Variants in HTR1F observed in about 807,000 individuals in gnomAD.
The protein encoded by HTR1F is 5-hydroxytryptamine receptor 1F, also known as 5-hydroxytryptamine (serotonin) receptor 1F, G protein-coupled.
HTR1F carries 17 observed loss-of-function variants against 24.0 expected under a neutral mutation model. That is an observed-to-expected ratio of 0.71 (90% CI 0.48 to 1.06). The LOEUF is 1.06. Ranked by LOEUF, HTR1F falls within the 50% of genes least tolerant of loss-of-function variation. The pLI is 0.00. For missense variants in HTR1F, 391 were observed against 427.8 expected (o/e 0.91, Z 0.76); for synonymous variants, 186 against 156.8 (o/e 1.19, Z -1.39).
In HTR1F at chr3:87,827,127, T is replaced by C. The variant is rs368053992; in HGVS notation, c.-43+5003T>C. 2.4e-3 allele frequency among the ~76,000 whole-genome samples: 362 copies of C among 151,702 alleles called. 2 individuals are homozygous for C. Among genetic ancestry groups the C allele is most frequent in the African/African-American group, 8.2e-3 (341 of 41,420 alleles). ...CTATCATTATTTTCTTTCTTTCTTT[T>C]TTTTTTTTTTACTTTAAGTCCCAGG... On this transcript the variant is annotated intron_variant, in intron 2 of 2. Transcript: ENST00000319595.
At chr3:87,883,503 G>A (rs1185784159) in intron 2 of HTR1F, among the ~76,000 whole-genome samples, 2 of 152,126 alleles carry the variant, frequency 1.3e-5, no homozygotes, top group African/African-American at 4.8e-5. Flanking sequence ...GGCTTCAGAA[G>A]GTCAGTAATA....
intron 2 of HTR1F, among the ~76,000 whole-genome samples, chr3:87,872,530 T>A (rs1705580774): frequency 6.6e-6 from 1 of 151,840 alleles, no homozygotes; most frequent in Non-Finnish European, 1.5e-5. Flanking sequence ...ACCCTTAACT[T>A]GTCTAACTAA....
At chr3:87,960,104 C>T (rs1374071729) in intron 2 of HTR1F, among the ~76,000 whole-genome samples, 1 of 151,340 alleles carries the variant, frequency 6.6e-6, no homozygotes, top group Admixed American at 6.6e-5. Context: ...TTTTAAAATC[C>T]CAACGCCTCT....
intron 1 of HTR1F, among the ~76,000 whole-genome samples, chr3:87,810,410 G>A (rs962950010): frequency 2.6e-5 from 4 of 151,948 alleles, no homozygotes; most frequent in African/African-American, 7.3e-5. Flanking sequence ...TCTGGATGTC[G>A]GCGTTTTTCC....
intron 2 of HTR1F, among the ~76,000 whole-genome samples, chr3:87,928,530 T>C (rs1704183597): frequency 6.6e-6 from 1 of 152,218 alleles, no homozygotes; most frequent in Non-Finnish European, 1.5e-5. Context: ...ATGAATATGT[T>C]CACTTACACA....
chr3:87,874,912 T>G (rs1288564973), intron 2 of HTR1F, among the ~76,000 whole-genome samples: 2 of 152,136 alleles, frequency 1.3e-5, no homozygotes, highest in African/African-American at 4.8e-5. Flanking sequence ...CAAATGATGT[T>G]GCAAAAACTG....
intron 2 of HTR1F, among the ~76,000 whole-genome samples, chr3:87,891,581 T>A (rs562751051): frequency 1.3e-5 from 2 of 152,320 alleles, no homozygotes; most frequent in South Asian, 4.1e-4. Context: ...CTGAAAAGAA[T>A]TGAGATTCAG....
intron 1 of HTR1F, among the ~76,000 whole-genome samples, chr3:87,817,254 G>A (rs2107113715): frequency 6.6e-6 from 1 of 152,146 alleles, no homozygotes; most frequent in African/African-American, 2.4e-5. Flanking sequence ...ACTCCGTTTG[G>A]CAATGCATTT....
intron 2 of HTR1F, among the ~76,000 whole-genome samples, chr3:87,960,747 G>C (rs1355845898): frequency 6.6e-6 from 1 of 151,888 alleles, no homozygotes; most frequent in African/African-American, 2.4e-5. Flanking sequence ...CCTATTCTCT[G>C]TTACTTGGAC....
intron 2 of HTR1F, among the ~76,000 whole-genome samples, chr3:87,954,767 G>GT (rs964674422): frequency 6.6e-5 from 10 of 151,642 alleles, no homozygotes; most frequent in Non-Finnish European, 1.2e-4. Flanking sequence ...AATAATGGAA[G>GT]TAATAAACTA....
At chr3:87,928,846 G>C (rs916400583) in intron 2 of HTR1F, among the ~76,000 whole-genome samples, 2 of 152,184 alleles carry the variant, frequency 1.3e-5, no homozygotes, top group Non-Finnish European at 2.9e-5. Flanking sequence ...TTGTGTGTAA[G>C]GGTACAACAT....
At chr3:87,881,116 A>T (rs1705785637) in intron 2 of HTR1F, among the ~76,000 whole-genome samples, 1 of 152,194 alleles carries the variant, frequency 6.6e-6, no homozygotes, top group Admixed American at 6.5e-5. Flanking sequence ...GAGCCTAAGC[A>T]GGGCGGGGCA....
intron 2 of HTR1F, among the ~76,000 whole-genome samples, chr3:87,930,777 A>C (rs1704243799): frequency 6.6e-6 from 1 of 152,144 alleles, no homozygotes; most frequent in South Asian, 2.1e-4. Flanking sequence ...AGTGCCTAAC[A>C]CATAATTATC....
intron 2 of HTR1F, among the ~76,000 whole-genome samples, chr3:87,873,966 G>T (rs1705614758): frequency 6.6e-6 from 1 of 151,984 alleles, no homozygotes; most frequent in African/African-American, 2.4e-5. Flanking sequence ...AGGAGTAGAA[G>T]AAATTACCTC....
intron 2 of HTR1F, among the ~76,000 whole-genome samples, chr3:87,939,584 T>C (rs571868905): frequency 2.2e-4 from 34 of 152,346 alleles, no homozygotes; most frequent in African/African-American, 8.2e-4. Context: ...TTCGACTTCT[T>C]CCTGCTTTGG....
chr3:87,889,030 G>T (rs1706020362), intron 2 of HTR1F, among the ~76,000 whole-genome samples: 1 of 152,086 alleles, frequency 6.6e-6, no homozygotes, highest in Non-Finnish European at 1.5e-5. Flanking sequence ...TTCCTGGTGG[G>T]GAAGACAGTG....
intron 2 of HTR1F, among the ~76,000 whole-genome samples, chr3:87,871,602 G>T (rs1395342901): frequency 2.0e-5 from 3 of 151,876 alleles, no homozygotes; most frequent in African/African-American, 7.2e-5. Flanking sequence ...CCCACAGCTA[G>T]ACACATTATA....
intron 2 of HTR1F, among the ~76,000 whole-genome samples, chr3:87,857,695 C>T (rs1307708155): frequency 2.0e-5 from 3 of 152,052 alleles, no homozygotes; most frequent in African/African-American, 7.2e-5. Context: ...CATTCCCCAC[C>T]GAAGTAGTAC....
At chr3:87,970,818 G>A (rs1215477325) in intron 2 of HTR1F, among the ~76,000 whole-genome samples, 3 of 152,174 alleles carry the variant, frequency 2.0e-5, no homozygotes, top group Admixed American at 1.3e-4. Context: ...CTTCCCCACA[G>A]CAAGATATAT....
Sources: allele counts gnomAD v4.1 joint callset (sites outside exome capture counted in the v4.1 genomes callset), GRCh38; gene constraint gnomAD v4.1.1; transcripts MANE v1.5; gene names NCBI Gene and HGNC (gene_info 2026-07-23, HGNC 2026-07-21).